The following FOXK2 variants were observed in gnomAD, a reference collection of about 807,000 sequenced individuals.
FOXK2 encodes forkhead box K2.
FOXK2 carries 24 observed loss-of-function variants against 53.3 expected under a neutral mutation model. The ratio of observed to expected loss-of-function variants is 0.45; its 90% CI spans 0.33 to 0.63. The LOEUF (loss-of-function observed/expected upper bound fraction) is 0.63, where lower values mean the gene tolerates loss of function less well. Ranked by LOEUF, FOXK2 falls within the 30% of genes least tolerant of loss-of-function variation. The pLI is 0.03. For missense variants in FOXK2, 952 were observed against 910.5 expected (o/e 1.05, Z -0.59); for synonymous variants, 505 against 407.1 (o/e 1.24, Z -2.89).
At chr17:82,573,542 T>A (rs922083779) in intron 4 of FOXK2, among the ~76,000 whole-genome samples, 11 of 108,998 alleles carry the variant, frequency 1.0e-4, no homozygotes, top group African/African-American at 4.3e-4. Flanking sequence ...ACACACTCTC[T>A]CTCTCTCTCT....
Position 82,563,405 on chromosome 17 carries a change from G to C in FOXK2, c.471G>C (p.Leu157=), listed in dbSNP as rs759320912. ...ACATCAAGATAACGTTCACTGCCCT[G>C]TCCAGCGAGAAGAGAGAGAAGCAGG... ...STNIKITFTA[L]SSEKREKQEA... is the part of the protein sequence containing the mutation. The change falls in exon 2 of 9, where the codon CTG becomes CTC. Residue 157 remains leucine, a synonymous_variant. Transcript: ENST00000335255. 28 of 1,614,156 alleles carry C rather than the reference G, an allele frequency of 1.7e-5. No homozygotes were observed. The South Asian group carries it at 3.0e-4, about 17-fold the overall frequency.
At chr17:82,537,691 C>T (rs543096826) in intron 1 of FOXK2, among the ~76,000 whole-genome samples, 11 of 149,822 alleles carry the variant, frequency 7.3e-5, no homozygotes, top group African/African-American at 2.5e-4. Flanking sequence ...TTTTGGAGGC[C>T]GAGGCGGGCA....
intron 1 of FOXK2, among the ~76,000 whole-genome samples, chr17:82,540,856 C>T (rs762971223): frequency 5.3e-5 from 8 of 152,186 alleles, no homozygotes; most frequent in Non-Finnish European, 8.8e-5. Flanking sequence ...TTTTTCCCAG[C>T]GCATCACACC....
intron 8 of FOXK2, chr17:82,588,300 C>T (rs1229438187): frequency 2.6e-5 from 4 of 153,326 alleles, no homozygotes; most frequent in African/African-American, 9.6e-5. Context: ...TCCTCCTTCT[C>T]TTCTCTCTGG....
At chr17:82,545,248 C>A (rs1159770251) in intron 1 of FOXK2, among the ~76,000 whole-genome samples, 1 of 152,228 alleles carries the variant, frequency 6.6e-6, no homozygotes, top group Non-Finnish European at 1.5e-5. Context: ...CTCTCCCAGC[C>A]AGGGCCTCCC....
chr17:82,548,926 A>G (rs2044651621), intron 1 of FOXK2, among the ~76,000 whole-genome samples: 1 of 152,090 alleles, frequency 6.6e-6, no homozygotes, highest in African/African-American at 2.4e-5. Context: ...TGCACTTTCC[A>G]CTGCCACCAC....
In FOXK2 at chr17:82,543,280, T is replaced by C. The variant is rs188801790; in HGVS notation, c.420-20074T>C. 1.8e-3 allele frequency among the ~76,000 whole-genome samples: 277 copies of C among 152,384 alleles called. 2 individuals carry two copies. Among genetic ancestry groups the C allele is most frequent in the Middle Eastern group, 6.8e-3 (2 of 294 alleles). On this transcript the variant is annotated intron_variant, in intron 1 of 8. Coordinates refer to ENST00000335255, the MANE Select transcript of FOXK2 (RefSeq NM_004514.4). ...TTGTGTTGTTTTAGAGATAGGGCCT[T>C]GCTCTGGTACCCAGGCTGGAAGTGT...
At chr17:82,565,022 G>A (rs1027630595) in intron 2 of FOXK2, among the ~76,000 whole-genome samples, 8 of 152,204 alleles carry the variant, frequency 5.3e-5, no homozygotes, top group Middle Eastern at 3.4e-3. Context: ...GAGCCACCAC[G>A]CCTGGCCTCA....
intron 8 of FOXK2, among the ~76,000 whole-genome samples, chr17:82,598,061 CG>C (rs1324928226): frequency 6.6e-5 from 10 of 152,194 alleles, no homozygotes; most frequent in Admixed American, 3.9e-4. Context: ...GACTCGTGAT[CG>C]GCACATCCGT....
At chr17:82,593,284 G>GT (rs1371555321) in intron 8 of FOXK2, 1 of 149,222 alleles carries the variant, frequency 6.7e-6, no homozygotes, top group Non-Finnish European at 1.5e-5. Context: ...AGCAGACCCT[G>GT]TGAAGGTCTC....
At chr17:82,540,013 G>A (rs1027196378) in intron 1 of FOXK2, among the ~76,000 whole-genome samples, 2 of 151,932 alleles carry the variant, frequency 1.3e-5, no homozygotes, top group African/African-American at 2.4e-5. Context: ...GGACGCGGTG[G>A]CTCACGCCTG....
intron 5 of FOXK2, among the ~76,000 whole-genome samples, chr17:82,583,719 C>T (rs554883892): frequency 1.3e-5 from 2 of 152,350 alleles, no homozygotes; most frequent in South Asian, 4.1e-4. Context: ...CTGCCGGCTC[C>T]ACCGTCAGTG....
intron 4 of FOXK2, among the ~76,000 whole-genome samples, chr17:82,582,151 A>G (rs891647156): frequency 7.2e-5 from 11 of 152,130 alleles, no homozygotes; most frequent in African/African-American, 2.7e-4. Flanking sequence ...GGCTCACATC[A>G]GCTCTGTTTG....
At chr17:82,523,082 C>T (rs975615234) in intron 1 of FOXK2, among the ~76,000 whole-genome samples, 3 of 152,316 alleles carry the variant, frequency 2.0e-5, no homozygotes, top group South Asian at 2.1e-4. Context: ...TGTGAGCCAC[C>T]ACGCCTGGCC....
At chr17:82,520,616 A>C (rs1289850856) in intron 1 of FOXK2, among the ~76,000 whole-genome samples, 1 of 152,208 alleles carries the variant, frequency 6.6e-6, no homozygotes, top group African/African-American at 2.4e-5. Context: ...CGGGGAGTTC[A>C]CGTGTGCTGT....
At chr17:82,568,500 A>C (rs1429823780) in intron 3 of FOXK2, among the ~76,000 whole-genome samples, 1 of 152,168 alleles carries the variant, frequency 6.6e-6, no homozygotes, top group East Asian at 1.9e-4. Flanking sequence ...TGTGGAGCTC[A>C]TGTGTGTTTG....
chr17:82,588,984 G>T (rs964671823), intron 8 of FOXK2, among the ~76,000 whole-genome samples: 1 of 151,468 alleles, frequency 6.6e-6, no homozygotes. Context: ...GCTTGAACCC[G>T]AGTGTGGAGG....
intron 1 of FOXK2, among the ~76,000 whole-genome samples, chr17:82,555,689 C>A (rs974653011): frequency 6.7e-6 from 1 of 149,742 alleles, no homozygotes; most frequent in Non-Finnish European, 1.5e-5. Context: ...TCGAGACCAT[C>A]CTGGCTAACA....
intron 1 of FOXK2, among the ~76,000 whole-genome samples, chr17:82,521,783 A>AT (rs2044364811): frequency 6.8e-6 from 1 of 147,730 alleles, no homozygotes; most frequent in South Asian, 2.2e-4. Context: ...ACAAAAAAAA[A>AT]AAAAAAATTA....
Sources: gnomAD v4.1 joint callset for allele counts (sites outside exome capture counted in the v4.1 genomes callset) on GRCh38, gnomAD v4.1.1 for gene constraint, MANE v1.5 for transcripts, NCBI Gene and HGNC (gene_info 2026-07-23, HGNC 2026-07-21) for gene names.